RALYL: variants seen among roughly 807,000 people sequenced by gnomAD.
RALYL encodes RNA-binding Raly-like protein.
RALYL carries 29 observed loss-of-function variants against 35.1 expected under a neutral mutation model. That is an observed-to-expected ratio of 0.83 (90% CI 0.61 to 1.13). The LOEUF is 1.13. Among genes scored for constraint, RALYL ranks in the 50% most tolerant of loss-of-function variants. RALYL has a pLI of 0.00. For synonymous variants in RALYL, 120 were observed against 127.6 expected (o/e 0.94, Z 0.40); for missense variants, 359 against 360.4 (o/e 1.00, Z 0.03).
At chr8:84,462,813 C>A (rs917906549) in intron 1 of RALYL, among the ~76,000 whole-genome samples, 11 of 151,708 alleles carry the variant, frequency 7.3e-5, no homozygotes, top group Non-Finnish European at 1.5e-4. Flanking sequence ...TTTTTCTAGC[C>A]ACTTTTATAA....
intron 1 of RALYL, among the ~76,000 whole-genome samples, chr8:84,308,036 A>G (rs1412698053): frequency 6.6e-6 from 1 of 152,124 alleles, no homozygotes; most frequent in African/African-American, 2.4e-5. Flanking sequence ...AAAAAAAAAA[A>G]AATCCCTCTC....
At chr8:84,615,609 T>G (rs1420952515) in intron 2 of RALYL, among the ~76,000 whole-genome samples, 2 of 142,082 alleles carry the variant, frequency 1.4e-5, no homozygotes, top group Non-Finnish European at 3.0e-5. Flanking sequence ...TTACTTATTA[T>G]TATACTTTAA....
At chr8:84,676,184 G>T (rs572225638) in intron 2 of RALYL, among the ~76,000 whole-genome samples, 100 of 152,226 alleles carry the variant, frequency 6.6e-4, no homozygotes, top group African/African-American at 2.2e-3. Flanking sequence ...TTTCTCTTTG[G>T]ATTTTTTCTG....
At chr8:84,441,145 T>C (rs1236060067) in intron 1 of RALYL, among the ~76,000 whole-genome samples, 2 of 152,118 alleles carry the variant, frequency 1.3e-5, no homozygotes, top group Non-Finnish European at 2.9e-5. Flanking sequence ...TATAAAACAG[T>C]CTTTAAACTA....
At chr8:84,688,430 A>C (rs941553354) in intron 2 of RALYL, among the ~76,000 whole-genome samples, 1 of 152,134 alleles carries the variant, frequency 6.6e-6, no homozygotes. Flanking sequence ...ACAACCACAC[A>C]TATGTGATCA....
At chr8:84,429,718 C>T (rs539835697) in intron 1 of RALYL, among the ~76,000 whole-genome samples, 5 of 151,926 alleles carry the variant, frequency 3.3e-5, no homozygotes, top group African/African-American at 7.2e-5. Flanking sequence ...CTAGAAGAGG[C>T]TTGGGAATTG....
At chr8:84,424,023 G>T (rs1290108634) in intron 1 of RALYL, among the ~76,000 whole-genome samples, 1 of 151,804 alleles carries the variant, frequency 6.6e-6, no homozygotes, top group Non-Finnish European at 1.5e-5. Context: ...TGACAATTAT[G>T]TGTCTTGGAG....
chr8:84,662,369 C>T (rs1194993969), intron 2 of RALYL, among the ~76,000 whole-genome samples: 1 of 151,950 alleles, frequency 6.6e-6, no homozygotes, highest in East Asian at 1.9e-4. Context: ...TGTATTTGAA[C>T]AACATATAAA....
intron 5 of RALYL, among the ~76,000 whole-genome samples, chr8:84,861,515 A>C (rs1419705617): frequency 6.6e-6 from 1 of 152,220 alleles, no homozygotes; most frequent in Non-Finnish European, 1.5e-5. Flanking sequence ...CAAAGGTTTT[A>C]AGTTTTATTG....
chr8:84,504,930 G>A (rs1451068223), intron 1 of RALYL, among the ~76,000 whole-genome samples: 1 of 152,044 alleles, frequency 6.6e-6, no homozygotes. Flanking sequence ...TTATTGCTAC[G>A]CCCGCACCCC....
chr8:84,770,209 C>T (rs938614710), intron 2 of RALYL, among the ~76,000 whole-genome samples: 2 of 152,062 alleles, frequency 1.3e-5, no homozygotes, highest in Non-Finnish European at 2.9e-5. Context: ...CCACCTTTTC[C>T]CCCGAGTCCC....
chr8:84,840,561 G>A (rs1377304355), intron 4 of RALYL, among the ~76,000 whole-genome samples: 1 of 152,192 alleles, frequency 6.6e-6, no homozygotes, highest in Non-Finnish European at 1.5e-5. Context: ...TTATCCAGGA[G>A]AACTTCCCCA....
intron 2 of RALYL, among the ~76,000 whole-genome samples, chr8:84,571,913 T>C (rs1808096698): frequency 6.6e-6 from 1 of 151,876 alleles, no homozygotes; most frequent in Non-Finnish European, 1.5e-5. Flanking sequence ...CATGCATTTT[T>C]GTAGTTTTGA....
Position 84,247,457 on chromosome 8 carries a change from A to G in RALYL, c.-24+63033A>G, listed in dbSNP as rs138307629. On this transcript the variant is annotated intron_variant, in intron 1 of 8. Transcript: ENST00000521268. ...TACCATACCAAGTGTATTATCCTTT[A>G]GCAGGCCAAATATTAGGTTTTCTTG... Among the ~76,000 whole-genome samples the G allele has an allele frequency of 2.4e-3, 367 of 152,192 alleles. 2 individuals carry two copies. The highest frequency in any genetic ancestry group is 8.6e-3 in the African/African-American group (356 of 41,548).
At chr8:84,644,348 C>T (rs1827026315) in intron 2 of RALYL, among the ~76,000 whole-genome samples, 1 of 151,990 alleles carries the variant, frequency 6.6e-6, no homozygotes, top group Admixed American at 6.6e-5. Flanking sequence ...AAATATTGAA[C>T]ATCTTGTATG....
chr8:84,869,505 A>G (rs1189319345), intron 6 of RALYL, among the ~76,000 whole-genome samples: 2 of 152,154 alleles, frequency 1.3e-5, no homozygotes. Flanking sequence ...AAGGGAGGTT[A>G]TATCTAGAGC....
chr8:84,790,910 C>CTGTT (rs1351137135), intron 3 of RALYL, among the ~76,000 whole-genome samples: 4 of 152,178 alleles, frequency 2.6e-5, no homozygotes, highest in African/African-American at 9.6e-5. Context: ...AAGCTACGGT[C>CTGTT]TGTTTACAAT....
At chr8:84,637,508 G>A (rs554835918) in intron 2 of RALYL, among the ~76,000 whole-genome samples, 2 of 151,950 alleles carry the variant, frequency 1.3e-5, no homozygotes, top group East Asian at 3.9e-4. Flanking sequence ...AGTGAGTTAT[G>A]GTAGAAAGAA....
chr8:84,830,628 T>G (rs1388883687), intron 4 of RALYL, among the ~76,000 whole-genome samples: 1 of 152,160 alleles, frequency 6.6e-6, no homozygotes, highest in Non-Finnish European at 1.5e-5. Flanking sequence ...TAAATAATAT[T>G]TATATGGTTA....
Sources: gnomAD v4.1 joint callset for allele counts (sites outside exome capture counted in the v4.1 genomes callset) on GRCh38, gnomAD v4.1.1 for gene constraint, MANE v1.5 for transcripts, NCBI Gene and HGNC (gene_info 2026-07-23, HGNC 2026-07-21) for gene names.